DOCK9: variants seen among roughly 807,000 people sequenced by gnomAD.
DOCK9 encodes the protein dedicator of cytokinesis protein 9.
In DOCK9, 89 loss-of-function variants were observed where a neutral mutation model predicts 263.3. That is an observed-to-expected ratio of 0.34 (90% CI 0.28 to 0.40). The LOEUF is 0.40. DOCK9 is among the 10% of genes least tolerant of loss of function. The pLI is 1.00. For missense variants in DOCK9, 2,140 were observed against 2,603.4 expected (o/e 0.82, Z 3.87); for synonymous variants, 976 against 973.1 (o/e 1.00, Z -0.06).
At chr13:98,895,363 TA>T (rs529699802) in intron 15 of DOCK9, among the ~76,000 whole-genome samples, 16 of 150,118 alleles carry the variant, frequency 1.1e-4, no homozygotes, top group Non-Finnish European at 1.9e-4. Flanking sequence ...GAATAAAACG[TA>T]AAAAAAAATG....
chr13:99,029,666 A>G (rs1428727268), intron 1 of DOCK9, among the ~76,000 whole-genome samples: 2 of 152,220 alleles, frequency 1.3e-5, no homozygotes, highest in East Asian at 1.9e-4. Context: ...TAAAATTTAA[A>G]AAGACTGACA....
chr13:99,003,911 A>C (rs750260442), intron 1 of DOCK9, among the ~76,000 whole-genome samples: 5 of 152,198 alleles, frequency 3.3e-5, no homozygotes, highest in Non-Finnish European at 5.9e-5. Flanking sequence ...ATACAGGAAT[A>C]AAGTTCCAAC....
intron 1 of DOCK9, among the ~76,000 whole-genome samples, chr13:99,045,254 C>T (rs1888855622): frequency 1.3e-5 from 2 of 152,156 alleles, no homozygotes; most frequent in Non-Finnish European, 2.9e-5. Context: ...ATGGAATCAA[C>T]CTAAGTGGCC....
intron 1 of DOCK9, among the ~76,000 whole-genome samples, chr13:99,034,774 A>G (rs1887692713): frequency 6.6e-6 from 1 of 152,208 alleles, no homozygotes. Context: ...GTTAGAAGAC[A>G]TAGAGATGCG....
chr13:98,905,638 A>T (rs112958247), intron 9 of DOCK9, among the ~76,000 whole-genome samples: 2 of 152,338 alleles, frequency 1.3e-5, no homozygotes, highest in African/African-American at 4.8e-5. Context: ...AATGCCAAGG[A>T]TTGGGGATTT....
intron 32 of DOCK9, 40 bp from the exon 33 acceptor site, chr13:98,860,562 GGAAA>G (rs1329140090): frequency 2.0e-6 from 3 of 1,517,052 alleles, no homozygotes; most frequent in Admixed American, 2.0e-5. Context: ...AAAGATGACT[GGAAA>G]GGATTCCTCC....
At chr13:99,012,236 C>T (rs758655579) in intron 1 of DOCK9, among the ~76,000 whole-genome samples, 2 of 151,496 alleles carry the variant, frequency 1.3e-5, no homozygotes, top group African/African-American at 2.4e-5. Flanking sequence ...TTTCTTATGA[C>T]GTGCTTCAGT....
intron 2 of DOCK9, among the ~76,000 whole-genome samples, chr13:98,951,094 T>C (rs1230587204): frequency 6.6e-6 from 1 of 152,198 alleles, no homozygotes; most frequent in Non-Finnish European, 1.5e-5. Flanking sequence ...TTGTTAAAGT[T>C]TACCTCTAAC....
intron 2 of DOCK9, among the ~76,000 whole-genome samples, chr13:98,954,895 C>CACACACACAT (rs1198468886): frequency 4.6e-5 from 7 of 151,486 alleles, no homozygotes; most frequent in Non-Finnish European, 8.8e-5. Context: ...CACACACACA[C>CACACACACAT]ACATTTTGGC....
intron 1 of DOCK9, among the ~76,000 whole-genome samples, chr13:99,083,484 T>C (rs977424391): frequency 3.9e-5 from 6 of 152,048 alleles, no homozygotes; most frequent in African/African-American, 1.4e-4. Flanking sequence ...AGAGGTGAAA[T>C]GATATAAGGC....
intron 2 of DOCK9, among the ~76,000 whole-genome samples, chr13:98,949,056 G>A (rs2057074781): frequency 1.3e-5 from 2 of 151,976 alleles, no homozygotes; most frequent in South Asian, 4.2e-4. Context: ...CAAGTCTTTG[G>A]GGCATATATC....
At chr13:98,809,200 A>G in intron 47 of DOCK9, 152 bp downstream of exon 47, 1 of 1,291,508 alleles carries the variant, frequency 7.7e-7, no homozygotes, top group Non-Finnish European at 1.1e-6. Context: ...GGAAGATAAG[A>G]ATCATACTAA....
rs982193892 is a variant in DOCK9 at position 98,825,666 on chromosome 13, G to A, written c.5024-1162C>T. Among the ~76,000 whole-genome samples, 7 of 152,230 alleles carry A rather than the reference G, an allele frequency of 4.6e-5. No individual in the cohort carries two copies. Among genetic ancestry groups the A allele is most frequent in the Non-Finnish European group, 8.8e-5 (6 of 68,026 alleles). On this transcript the variant is annotated intron_variant, in intron 44 of 52. Coordinates refer to ENST00000682017, the MANE Select transcript of DOCK9 (RefSeq NM_001366683.2). This position sits in a 1 kb window ranked among gnomAD's most constrained non-coding sequence, Gnocchi z 4.1. The stretch of plus-strand genomic sequence containing the variant: ...TATAGTACATTTCACCACATAACTC[G>A]GAGCCAATGGAATAACAAAAATGGT...
intron 27 of DOCK9, among the ~76,000 whole-genome samples, chr13:98,873,546 T>C (rs1217242835): frequency 2.0e-5 from 3 of 152,340 alleles, no homozygotes; most frequent in Non-Finnish European, 1.5e-5. Context: ...TGGCTAACTC[T>C]GGCCAATGCG....
Position 98,829,185 on chromosome 13 carries a change from T to G in DOCK9, c.4965+122A>C, listed in dbSNP as rs2092664783. The stretch of plus-strand genomic sequence containing the variant: ...CCCTAAGCTTCATACTGTTTAAAGT[T>G]TTGCATACTTTTAATTGGTTTTTGA... On this transcript the variant is annotated intron_variant, in intron 43 of 52. Coordinates refer to ENST00000682017, the MANE Select transcript of DOCK9 (RefSeq NM_001366683.2). This position sits in a 1 kb window ranked among gnomAD's most constrained non-coding sequence, Gnocchi z 4.1. 1.1e-6 allele frequency: 1 copy of G among 878,374 alleles called. No homozygotes were observed. The highest frequency in any genetic ancestry group is 2.6e-5 in the Admixed American group (1 of 38,350). 54.4% of individuals were successfully genotyped at this position (878,374 alleles called of 1,614,324 possible). A position where few individuals can be genotyped will look rare whatever the true frequency, so the allele number is the denominator to read the frequency against.
At chr13:98,868,077 C>T (rs754759979) in intron 28 of DOCK9, 66 bp from the exon 29 acceptor site, 2 of 1,556,960 alleles carry the variant, frequency 1.3e-6, no homozygotes, top group Non-Finnish European at 1.8e-6. Context: ...GGATTCAAAG[C>T]AGCATTTATT....
chr13:98,948,712 C>T (rs534387314), intron 2 of DOCK9, among the ~76,000 whole-genome samples: 1 of 152,282 alleles, frequency 6.6e-6, no homozygotes, highest in Admixed American at 6.5e-5. Context: ...CCCCATTGCT[C>T]CCCACCTCCA....
At chr13:98,849,702 A>T (rs2041197151) in intron 36 of DOCK9, among the ~76,000 whole-genome samples, 1 of 152,212 alleles carries the variant, frequency 6.6e-6, no homozygotes, top group Non-Finnish European at 1.5e-5. Flanking sequence ...AACTTTTCTG[A>T]CTCAGTTTCT....
chr13:98,848,733 A>C lies in DOCK9; in HGVS notation c.4014-94T>G, dbSNP rs2093467639. The stretch of plus-strand genomic sequence containing the variant: ...GTTAACAATAACAAATTCAATAAAC[A>C]TTATGTCTAGTACCAGCATAAGTCA... On this transcript the variant is annotated intron_variant, in intron 36 of 52. Transcript: ENST00000682017. The C allele has an allele frequency of 5.5e-6, 7 of 1,282,700 alleles. No individual in the cohort carries two copies. In the South Asian group the frequency reaches 9.2e-5, roughly 17 times the overall value. 79.5% of individuals were successfully genotyped at this position (1,282,700 alleles called of 1,614,324 possible).
Sources: allele counts gnomAD v4.1 joint callset (sites outside exome capture counted in the v4.1 genomes callset), GRCh38; gene constraint gnomAD v4.1.1; non-coding constraint Gnocchi (gnomAD v3.1); transcripts MANE v1.5; gene names NCBI Gene and HGNC (gene_info 2026-07-23, HGNC 2026-07-21).